Variants in CDH20 observed in about 807,000 individuals in gnomAD.
CDH20 encodes cadherin-20.
Under a neutral mutation model 74.2 loss-of-function variants are expected in CDH20, and 29 were observed. The observed-to-expected ratio is 0.39, with a 90% CI of 0.29 to 0.53. The LOEUF is 0.53. Ranked by LOEUF, CDH20 falls within the 20% of genes least tolerant of loss-of-function variation. The probability of loss-of-function intolerance (pLI) is 0.69; values close to 1 mark genes in which losing one functional copy is unlikely to be tolerated. For synonymous variants in CDH20, 469 were observed against 405.4 expected (o/e 1.16, Z -1.88); for missense variants, 988 against 1,048.3 (o/e 0.94, Z 0.79).
At chr18:61,399,608 T>C (rs1912094328) in intron 1 of CDH20, among the ~76,000 whole-genome samples, 1 of 152,170 alleles carries the variant, frequency 6.6e-6, no homozygotes, top group Admixed American at 6.5e-5. Flanking sequence ...TCTTTAATAT[T>C]TGTTCACTGA....
chr18:61,538,608 G>GTTGTTT (rs1912904022), intron 8 of CDH20, among the ~76,000 whole-genome samples: 2 of 36,318 alleles, frequency 5.5e-5, no homozygotes, highest in African/African-American at 7.1e-5. Flanking sequence ...TTTTGTTTTT[G>GTTGTTT]TTTTTGTTTT....
At chr18:61,552,484 A>G (rs923417147) in intron 11 of CDH20, among the ~76,000 whole-genome samples, 17 of 152,116 alleles carry the variant, frequency 1.1e-4, no homozygotes, top group Non-Finnish European at 2.1e-4. Flanking sequence ...CATGACCATC[A>G]GAATTCTCTC....
chr18:61,499,294 A>G lies in CDH20; in HGVS notation c.355A>G (p.Ile119Val). 1 of 1,614,112 alleles carries G rather than the reference A, an allele frequency of 6.2e-7. No individual in the cohort carries two copies. Among genetic ancestry groups the G allele is most frequent in the South Asian group, 1.1e-5 (1 of 91,062 alleles). The change falls in exon 3 of 12, where the codon ATT becomes GTT. Residue 119 changes from isoleucine to valine, a missense_variant. Coordinates refer to ENST00000262717, the MANE Select transcript of CDH20 (RefSeq NM_031891.4). ...IDDTTGDIHA[I>V]QRLDREERAQ... ...CGACACCACTGGAGACATCCACGCCATTCAGAGGCTCGACCGAGAGGAAAG... is the reference window on the plus strand; with the variant it reads ...CGACACCACTGGAGACATCCACGCCGTTCAGAGGCTCGACCGAGAGGAAAG...
At position 61,467,685 on chromosome 18, in the gene CDH20, T is replaced by G. The variant is rs113960558; in HGVS notation, c.-152-22717T>G. ...AAGACAAACTTTTACTGAGCATCTC[T>G]TATGTTCTACACACGGGGCCTTCCT... On this transcript the variant is annotated intron_variant, in intron 1 of 11. Transcript: ENST00000262717. 4.0e-3 allele frequency among the ~76,000 whole-genome samples: 611 copies of G among 152,292 alleles called. 5 individuals carry two copies. Among genetic ancestry groups the G allele is most frequent in the African/African-American group, 0.014 (577 of 41,560 alleles).
At chr18:61,334,113 G>T (rs1427862124) in intron 1 of CDH20, among the ~76,000 whole-genome samples, 1 of 152,156 alleles carries the variant, frequency 6.6e-6, no homozygotes, top group Non-Finnish European at 1.5e-5. Context: ...GACGTGGCGC[G>T]CTGGGAGCGG....
At chr18:61,374,236 T>C (rs765365213) in intron 1 of CDH20, among the ~76,000 whole-genome samples, 10 of 152,124 alleles carry the variant, frequency 6.6e-5, no homozygotes, top group Non-Finnish European at 1.2e-4. Flanking sequence ...TGAGTTGTCT[T>C]GTCAACACTT....
At position 61,507,444 on chromosome 18, in the gene CDH20, T is replaced by A; in HGVS notation, c.901T>A (p.Leu301Met). 3 of 1,614,062 alleles carry A rather than the reference T, an allele frequency of 1.9e-6. No individual in the cohort carries two copies. The South Asian group carries it at 3.3e-5, about 18-fold the overall frequency. ...TGTCGGGAGAGTGTTTGCCAAGGAC[T>A]TGGATGAAGGCATCAATGCAGAGAT... ...STVGRVFAKD[L>M]DEGINAEMKY... The change falls in exon 6 of 12, where the codon TTG (leucine) becomes ATG (methionine). Residue 301 changes from leucine to methionine, a missense_variant. Coordinates refer to ENST00000262717, the MANE Select transcript of CDH20 (RefSeq NM_031891.4).
At chr18:61,377,726 A>T (rs1260903195) in intron 1 of CDH20, among the ~76,000 whole-genome samples, 1 of 151,924 alleles carries the variant, frequency 6.6e-6, no homozygotes, top group Non-Finnish European at 1.5e-5. Context: ...TCATTTGCAC[A>T]TTCTATCATG....
Position 61,528,156 on chromosome 18 carries a change from G to A in CDH20, c.1207G>A (p.Ala403Thr). The change falls in exon 7 of 12, where the codon GCG becomes ACG. Residue 403 changes from alanine to threonine, a missense_variant. Coordinates refer to ENST00000262717, the MANE Select transcript of CDH20 (RefSeq NM_031891.4). ...FYFVEVPEDVAIGTTIQIISA... is the reference protein window; with the variant it reads ...FYFVEVPEDVTIGTTIQIISA... ...CTTTGTGGAGGTGCCTGAGGATGTG[G>A]CGATTGGAACAACCATACAGATCAT... The A allele has an allele frequency of 6.2e-7, 1 of 1,614,070 alleles. No homozygotes were observed. The highest frequency in any genetic ancestry group is 8.5e-7 in the Non-Finnish European group (1 of 1,179,978).
intron 1 of CDH20, among the ~76,000 whole-genome samples, chr18:61,354,770 G>T (rs746638625): frequency 6.6e-6 from 1 of 151,968 alleles, no homozygotes; most frequent in South Asian, 2.1e-4. Context: ...TATTTCATCC[G>T]CTCAGCTTAT....
At chr18:61,514,090 C>T (rs1216058379) in intron 6 of CDH20, among the ~76,000 whole-genome samples, 5 of 152,170 alleles carry the variant, frequency 3.3e-5, no homozygotes, top group East Asian at 1.9e-4. Context: ...TATCCTGCAG[C>T]GTGTTTTCCA....
chr18:61,546,933 G>A (rs1185970933), intron 10 of CDH20, among the ~76,000 whole-genome samples: 1 of 152,206 alleles, frequency 6.6e-6, no homozygotes, highest in Non-Finnish European at 1.5e-5. Context: ...GCTCATGCCT[G>A]TTACTCCAAC....
chr18:61,515,241 C>CG (rs1911951301), intron 6 of CDH20, among the ~76,000 whole-genome samples: 1 of 152,126 alleles, frequency 6.6e-6, no homozygotes, highest in South Asian at 2.1e-4. Context: ...GCGCAATATT[C>CG]GGGTAGGAGT....
At chr18:61,361,280 C>A (rs1910685088) in intron 1 of CDH20, among the ~76,000 whole-genome samples, 2 of 152,170 alleles carry the variant, frequency 1.3e-5, no homozygotes, top group South Asian at 4.1e-4. Flanking sequence ...TTAACAGATA[C>A]CTTTGCTGTA....
At chr18:61,472,045 C>G (rs1910199441) in intron 1 of CDH20, among the ~76,000 whole-genome samples, 1 of 152,112 alleles carries the variant, frequency 6.6e-6, no homozygotes. Context: ...TGCACATAGT[C>G]CTGTGCTGTT....
intron 8 of CDH20, among the ~76,000 whole-genome samples, chr18:61,538,608 G>GTTGTT (rs1912904022): frequency 2.2e-4 from 8 of 36,316 alleles, no homozygotes; most frequent in Non-Finnish European, 3.0e-4. Context: ...TTTTGTTTTT[G>GTTGTT]TTTTTGTTTT....
intron 1 of CDH20, among the ~76,000 whole-genome samples, chr18:61,403,229 C>T (rs761125780): frequency 1.3e-5 from 2 of 152,132 alleles, no homozygotes; most frequent in Non-Finnish European, 1.5e-5. Context: ...CAAGGTGATC[C>T]ATGCATTTCT....
chr18:61,488,433 G>A (rs1449810138), intron 1 of CDH20, among the ~76,000 whole-genome samples: 1 of 152,094 alleles, frequency 6.6e-6, no homozygotes, highest in Non-Finnish European at 1.5e-5. Context: ...AATGTCGGTT[G>A]GCACCTTAGT....
intron 1 of CDH20, among the ~76,000 whole-genome samples, chr18:61,447,257 A>G (rs1909232053): frequency 6.6e-6 from 1 of 152,226 alleles, no homozygotes; most frequent in Non-Finnish European, 1.5e-5. Flanking sequence ...AGTAGAGTTT[A>G]CCAGGAGATA....
Sources: allele counts gnomAD v4.1 joint callset (sites outside exome capture counted in the v4.1 genomes callset), GRCh38; gene constraint gnomAD v4.1.1; transcripts MANE v1.5; gene names NCBI Gene and HGNC (gene_info 2026-07-23, HGNC 2026-07-21).